The following SEM1 variants were observed in gnomAD, a reference collection of about 807,000 sequenced individuals.
SEM1 encodes the protein SEM1 26S proteasome subunit.
In SEM1, 3 loss-of-function variants were observed where a neutral mutation model predicts 12.7. The observed-to-expected ratio is 0.24, with a 90% CI of 0.11 to 0.61. SEM1 has a LOEUF of 0.61. Ranked by LOEUF, SEM1 falls within the 20% of genes least tolerant of loss-of-function variation. The probability of loss-of-function intolerance (pLI) is 0.88; values close to 1 mark genes in which losing one functional copy is unlikely to be tolerated. For synonymous variants in SEM1, 30 were observed against 27.8 expected (o/e 1.08, Z -0.25); for missense variants, 59 against 81.3 (o/e 0.73, Z 1.06).
intron 2 of SEM1, among the ~76,000 whole-genome samples, chr7:96,693,448 T>C (rs1789987946): frequency 6.6e-6 from 1 of 151,978 alleles, no homozygotes; most frequent in East Asian, 1.9e-4. Context: ...AAGACTGACA[T>C]GTAAGAGCAA....
intron 2 of SEM1, among the ~76,000 whole-genome samples, chr7:96,617,205 T>A (rs1470002742): frequency 6.6e-6 from 1 of 152,122 alleles, no homozygotes; most frequent in South Asian, 2.1e-4. Context: ...CATTTGTTTA[T>A]GTCATCTACA....
chr7:96,688,839 T>A lies in SEM1; in HGVS notation c.*85A>T. ...CAAGCAGATAATGAAATAAACACAT[T>A]TTTTTAGTGTCCCATCCTGGGTTCT... On this transcript the variant is annotated 3_prime_UTR_variant, in exon 3 of 3. Transcript: ENST00000248566. 4 of 760,902 alleles carry A rather than the reference T, an allele frequency of 5.3e-6. No homozygotes were observed. The highest frequency in any genetic ancestry group is 9.0e-6 in the Non-Finnish European group (4 of 444,606). 47.1% of individuals were successfully genotyped at this position (760,902 alleles called of 1,614,324 possible).
At chr7:96,531,153 T>A (rs1804629682) in intron 2 of SEM1, among the ~76,000 whole-genome samples, 1 of 152,026 alleles carries the variant, frequency 6.6e-6, no homozygotes, top group Admixed American at 6.6e-5. Context: ...GATGACCATA[T>A]AAACATGAAA....
At chr7:96,658,614 G>A (rs1226582131) in intron 2 of SEM1, among the ~76,000 whole-genome samples, 1 of 152,190 alleles carries the variant, frequency 6.6e-6, no homozygotes, top group Admixed American at 6.5e-5. Flanking sequence ...GTTGGAAGGT[G>A]CCCCAATAAT....
At chr7:96,656,056 G>A (rs1809169841) in intron 2 of SEM1, among the ~76,000 whole-genome samples, 1 of 152,198 alleles carries the variant, frequency 6.6e-6, no homozygotes, top group Non-Finnish European at 1.5e-5. Flanking sequence ...TTGCTCCCAT[G>A]CCTCCATAGG....
intron 2 of SEM1, among the ~76,000 whole-genome samples, chr7:96,655,700 C>T (rs1809159704): frequency 1.3e-5 from 2 of 152,070 alleles, no homozygotes; most frequent in South Asian, 4.2e-4. Context: ...GTCCCCATAC[C>T]CCTTTCATCA....
rs1460499444 is a variant in SEM1 at position 96,557,172 on chromosome 7, A to T, written c.171-50474T>A. Reference sequence around the variant, plus strand: ...TAGCTCAGAGTAATTTGATCGTCTGAAGCCTTCTTCTCTCAGCTCGTCAAA... The same window carrying T: ...TAGCTCAGAGTAATTTGATCGTCTGTAGCCTTCTTCTCTCAGCTCGTCAAA... On this transcript the variant is annotated intron_variant and NMD_transcript_variant, in intron 2 of 3. Coordinates refer to the SEM1 transcript ENST00000466986. Among the ~76,000 whole-genome samples the T allele has an allele frequency of 4.0e-5, 6 of 151,226 alleles. No homozygotes were observed. In the East Asian group the frequency reaches 8.0e-4, roughly 20 times the overall value.
At chr7:96,674,161 C>A (rs1459153567) in intron 2 of SEM1, among the ~76,000 whole-genome samples, 1 of 152,078 alleles carries the variant, frequency 6.6e-6, no homozygotes. Flanking sequence ...TTTGTAATTA[C>A]ATATTTACAC....
At chr7:96,603,077 T>C (rs1807240838) in intron 2 of SEM1, among the ~76,000 whole-genome samples, 1 of 152,218 alleles carries the variant, frequency 6.6e-6, no homozygotes, top group African/African-American at 2.4e-5. Context: ...GTTTTTAACC[T>C]GACAGTTCAC....
At chr7:96,509,917 T>C (rs2117294961) in intron 2 of SEM1, among the ~76,000 whole-genome samples, 1 of 151,668 alleles carries the variant, frequency 6.6e-6, no homozygotes, top group East Asian at 1.9e-4. Flanking sequence ...AAGAAATTCA[T>C]GTTTAATAAG....
intron 2 of SEM1, among the ~76,000 whole-genome samples, chr7:96,548,251 G>A (rs910354628): frequency 6.6e-6 from 1 of 152,120 alleles, no homozygotes; most frequent in Non-Finnish European, 1.5e-5. Flanking sequence ...CTGACATCCA[G>A]AATTCTCCAG....
At chr7:96,703,940 CAG>C (rs1160904499) in intron 1 of SEM1, among the ~76,000 whole-genome samples, 4 of 149,548 alleles carry the variant, frequency 2.7e-5, no homozygotes, top group Non-Finnish European at 4.4e-5. Flanking sequence ...GCCTGGGTGA[CAG>C]AGCACCAGAG....
At chr7:96,652,379 A>G (rs1809028476) in intron 2 of SEM1, among the ~76,000 whole-genome samples, 1 of 152,112 alleles carries the variant, frequency 6.6e-6, no homozygotes. Flanking sequence ...TATATTGTAC[A>G]TATTTTGGTA....
At chr7:96,595,171 T>A (rs1284960772) in intron 2 of SEM1, among the ~76,000 whole-genome samples, 2 of 152,144 alleles carry the variant, frequency 1.3e-5, no homozygotes, top group East Asian at 3.9e-4. Flanking sequence ...ATATTTTTTT[T>A]AATCAATGAT....
At chr7:96,617,326 T>A (rs1807751957) in intron 2 of SEM1, among the ~76,000 whole-genome samples, 1 of 152,174 alleles carries the variant, frequency 6.6e-6, no homozygotes, top group Non-Finnish European at 1.5e-5. Context: ...TAGACTCACC[T>A]TCTTGATTTG....
In SEM1 at chr7:96,640,461, G is replaced by A. The variant is rs1382690327; in HGVS notation, c.171-17818C>T. 6.6e-6 allele frequency among the ~76,000 whole-genome samples: 1 copy of A among 151,968 alleles called. No individual in the cohort carries two copies. Among genetic ancestry groups the A allele is most frequent in the African/African-American group, 2.4e-5 (1 of 41,392 alleles). On this transcript the variant is annotated intron_variant, in intron 2 of 2. Transcript: ENST00000417009. This position sits in a 1 kb window ranked among gnomAD's most constrained non-coding sequence, Gnocchi z 4.0. ...ACTTAGGTGCATATTACCAAGTGAA[G>A]GAAGCTCATCTGAAAATGCCACATA...
chr7:96,597,540 A>G (rs1327530032), intron 2 of SEM1, among the ~76,000 whole-genome samples: 3 of 152,156 alleles, frequency 2.0e-5, no homozygotes, highest in Non-Finnish European at 1.5e-5. Flanking sequence ...GTTTGCACAT[A>G]AAATACAGGT....
At chr7:96,620,060 T>G (rs941639644), downstream of SEM1, among the ~76,000 whole-genome samples, 1 of 152,098 alleles carries the variant, frequency 6.6e-6, no homozygotes, top group Non-Finnish European at 1.5e-5. Context: ...TCTAGATATA[T>G]GTAGGAGAGC....
At chr7:96,706,570 C>CAAAAAAAAAA (rs67892273) in intron 1 of SEM1, among the ~76,000 whole-genome samples, 73 of 78,006 alleles carry the variant, frequency 9.4e-4, no homozygotes, top group African/African-American at 1.7e-3. Flanking sequence ...CTCAAACAAA[C>CAAAAAAAAAA]AAAAAAAAAA....
Sources: allele counts gnomAD v4.1 joint callset (sites outside exome capture counted in the v4.1 genomes callset), GRCh38; gene constraint gnomAD v4.1.1; non-coding constraint Gnocchi (gnomAD v3.1); transcripts MANE v1.5; gene names NCBI Gene and HGNC (gene_info 2026-07-23, HGNC 2026-07-21).